Variants in INPP5A observed in about 807,000 individuals in gnomAD.
INPP5A encodes the protein 43 kDa inositol polyphosphate 5-phophatase.
A neutral mutation model predicts 65.2 loss-of-function variants in INPP5A; 14 were observed. That is an observed-to-expected ratio of 0.21 (90% CI 0.14 to 0.34). The LOEUF is 0.34. Ranked by LOEUF, INPP5A falls within the 10% of genes least tolerant of loss-of-function variation. The probability of loss-of-function intolerance (pLI) is 1.00; values close to 1 mark genes in which losing one functional copy is unlikely to be tolerated. For missense variants in INPP5A, 431 were observed against 545.6 expected, an observed-to-expected ratio of 0.79 and a Z score of 2.09; for synonymous variants, 207 against 208.3, an observed-to-expected ratio of 0.99 and a Z score of 0.05.
rs566166276 is a variant in INPP5A at position 132,666,520 on chromosome 10, C to T, written c.306+16015C>T. On this transcript the variant is annotated intron_variant, in intron 4 of 15. Transcript: ENST00000368594. ...AAAACAGCCACAAAAAAACCCCTGT[C>T]GGATCACCCAAAACCGCTGGCCCCG... 9.3e-4 allele frequency among the ~76,000 whole-genome samples: 141 copies of T among 152,270 alleles called. 1 individual carries two copies. The highest frequency in any genetic ancestry group is 2.7e-3 in the Admixed American group (42 of 15,298).
intron 8 of INPP5A, among the ~76,000 whole-genome samples, chr10:132,712,350 C>T (rs534842164): frequency 6.6e-5 from 10 of 150,836 alleles, no homozygotes; most frequent in South Asian, 6.3e-4. Context: ...CGCACATCTG[C>T]GTGTGTGTGT....
intron 2 of INPP5A, among the ~76,000 whole-genome samples, chr10:132,612,492 G>A (rs999730989): frequency 4.0e-5 from 6 of 151,898 alleles, no homozygotes; most frequent in African/African-American, 1.5e-4. Flanking sequence ...GCCCTGTTTT[G>A]GGGGTTCGGG....
At chr10:132,717,536 A>G (rs868013063) in intron 8 of INPP5A, among the ~76,000 whole-genome samples, 1 of 151,400 alleles carries the variant, frequency 6.6e-6, no homozygotes, top group South Asian at 2.1e-4. Flanking sequence ...GACTGTCTTC[A>G]GGGTTCTGTG....
chr10:132,708,165 T>G, intron 6 of INPP5A, 148 bp from the exon 7 acceptor site: 1 of 677,602 alleles, frequency 1.5e-6, no homozygotes, highest in Non-Finnish European at 2.6e-6. Context: ...CACAGCTCGG[T>G]TCTCTTTAGT....
chr10:132,776,707 C>T (rs1210879213), intron 12 of INPP5A, among the ~76,000 whole-genome samples: 2 of 152,170 alleles, frequency 1.3e-5, no homozygotes, highest in African/African-American at 2.4e-5. Context: ...CAGTGCAGTC[C>T]CAAGCAACAT....
chr10:132,769,940 T>G (rs896779097), intron 12 of INPP5A, among the ~76,000 whole-genome samples: 3 of 152,212 alleles, frequency 2.0e-5, no homozygotes, highest in African/African-American at 7.2e-5. Flanking sequence ...AATTTTTAGT[T>G]TAACTTTGAG....
chr10:132,777,637 G>T (rs1044431012), intron 12 of INPP5A, 34 bp from the exon 13 acceptor site: 3 of 1,599,342 alleles, frequency 1.9e-6, no homozygotes, highest in Non-Finnish European at 1.7e-6. Context: ...GGCCCGAGCC[G>T]GCCGGCTGAC....
intron 9 of INPP5A, among the ~76,000 whole-genome samples, chr10:132,739,643 G>A (rs978007470): frequency 2.6e-5 from 4 of 152,246 alleles, no homozygotes; most frequent in Non-Finnish European, 5.9e-5. Context: ...CTTGCCCTGG[G>A]AGCCGGGTGA....
chr10:132,703,495 G>A (rs1564972373), intron 6 of INPP5A, among the ~76,000 whole-genome samples: 1 of 102,400 alleles, frequency 9.8e-6, no homozygotes, highest in South Asian at 3.2e-4. Flanking sequence ...CCCCCACACA[G>A]TGTCTTCACC....
rs112923380 is a variant in INPP5A at position 132,698,188 on chromosome 10, T to C, written c.474+269T>C. On this transcript the variant is annotated intron_variant, in intron 6 of 15. Transcript: ENST00000368594. The surrounding 1 kb of genome is among the most constrained non-coding windows in gnomAD (Gnocchi z 5.5). Reference sequence around the variant, plus strand: ...AGGAGAAAGAACCTTCGCCAAAAGATGTAGGAAAATCATTCAGCTCCCTTG... The same window carrying C: ...AGGAGAAAGAACCTTCGCCAAAAGACGTAGGAAAATCATTCAGCTCCCTTG... 4.4e-3 allele frequency among the ~76,000 whole-genome samples: 670 copies of C among 152,242 alleles called. 3 individuals are homozygous for C. Among genetic ancestry groups the C allele is most frequent in the African/African-American group, 0.015 (642 of 41,544 alleles).
rs4880272 is a variant in INPP5A, at chr10:132,741,500, C to T, written c.733-8017C>T. On this transcript the variant is annotated intron_variant, in intron 9 of 15. Transcript: ENST00000368594. The surrounding 1 kb of genome is among the most constrained non-coding windows in gnomAD (Gnocchi z 4.4). ...CATTGCACCCAGAAGAGGATACCCC[C>T]GAATGAAGCTGGAGGCTGCTGTCCA... Among the ~76,000 whole-genome samples, 71,122 of 151,872 alleles carry T rather than the reference C, an allele frequency of 0.47. 18,180 individuals are homozygous for T. Among genetic ancestry groups the T allele is most frequent in the East Asian group, 0.8 (4,130 of 5,150 alleles).
intron 1 of INPP5A, among the ~76,000 whole-genome samples, chr10:132,599,326 G>C (rs535924547): frequency 1.3e-5 from 2 of 152,284 alleles, no homozygotes; most frequent in African/African-American, 2.4e-5. Flanking sequence ...AAACAAAGGG[G>C]TTACAGGGCC....
chr10:132,648,142 G>GT (rs1332711833), intron 3 of INPP5A, among the ~76,000 whole-genome samples: 1 of 152,274 alleles, frequency 6.6e-6, no homozygotes. Flanking sequence ...CAGTAAGTCG[G>GT]TAAGAGAAGG....
At chr10:132,639,890 TA>T (rs2072404035) in intron 2 of INPP5A, among the ~76,000 whole-genome samples, 1 of 152,266 alleles carries the variant, frequency 6.6e-6, no homozygotes, top group South Asian at 2.1e-4. Flanking sequence ...AGATGTTGTA[TA>T]AATGTTTTTA....
chr10:132,727,804 G>A lies in INPP5A; in HGVS notation c.732+899G>A, dbSNP rs569503262. On this transcript the variant is annotated intron_variant, in intron 9 of 15. Coordinates refer to ENST00000368594, the MANE Select transcript of INPP5A (RefSeq NM_005539.5). The surrounding 1 kb of genome is among the most constrained non-coding windows in gnomAD (Gnocchi z 6.5). ...GAGTCAGATGGGGACACGGTAAGTCGGATGGGGACACGGTGAGTCAGATGG... is the reference window on the plus strand; with the variant it reads ...GAGTCAGATGGGGACACGGTAAGTCAGATGGGGACACGGTGAGTCAGATGG... Among the ~76,000 whole-genome samples the A allele has an allele frequency of 1.1e-4, 17 of 152,146 alleles. No homozygotes were observed. The highest frequency in any genetic ancestry group is 4.2e-4 in the South Asian group (2 of 4,816).
At position 132,741,560 on chromosome 10, in the gene INPP5A, G is replaced by C. The variant is rs992882741; in HGVS notation, c.733-7957G>C. On this transcript the variant is annotated intron_variant, in intron 9 of 15. Coordinates refer to ENST00000368594, the MANE Select transcript of INPP5A (RefSeq NM_005539.5). This position sits in a 1 kb window ranked among gnomAD's most constrained non-coding sequence, Gnocchi z 4.4. Reference sequence around the variant, plus strand: ...ACCCTGGCCCTCGTCACACCCAGAAGAGGATGCCCCAGAATGAAGGTGGAG... The same window carrying C: ...ACCCTGGCCCTCGTCACACCCAGAACAGGATGCCCCAGAATGAAGGTGGAG... Among the ~76,000 whole-genome samples, 1 of 151,992 alleles carries C rather than the reference G, an allele frequency of 6.6e-6. No individual in the cohort carries two copies. Among genetic ancestry groups the C allele is most frequent in the Admixed American group, 6.6e-5 (1 of 15,254 alleles).
At chr10:132,689,070 A>C (rs769833451) in intron 4 of INPP5A, among the ~76,000 whole-genome samples, 2 of 152,244 alleles carry the variant, frequency 1.3e-5, no homozygotes, top group Non-Finnish European at 2.9e-5. Flanking sequence ...ATGTGTGTAC[A>C]TGAATGTGCA....
intron 2 of INPP5A, among the ~76,000 whole-genome samples, chr10:132,642,148 T>C (rs1333075394): frequency 6.6e-6 from 1 of 151,702 alleles, no homozygotes; most frequent in Non-Finnish European, 1.5e-5. Flanking sequence ...GTCTGCGGTC[T>C]GGGGACAGCC....
chr10:132,598,671 C>T (rs896972064), intron 1 of INPP5A, among the ~76,000 whole-genome samples: 2 of 152,108 alleles, frequency 1.3e-5, no homozygotes, highest in African/African-American at 2.4e-5. Context: ...GTGGGTGTAC[C>T]GATATCTGTT....
Sources: allele counts gnomAD v4.1 joint callset (sites outside exome capture counted in the v4.1 genomes callset), GRCh38; gene constraint gnomAD v4.1.1; non-coding constraint Gnocchi (gnomAD v3.1); transcripts MANE v1.5; gene names NCBI Gene and HGNC (gene_info 2026-07-23, HGNC 2026-07-21).